Variants in AHDC1 observed in about 807,000 individuals in gnomAD.
AHDC1 encodes the protein transcription factor Gibbin.
Under a neutral mutation model 87.9 loss-of-function variants are expected in AHDC1, and 7 were observed. The ratio of observed to expected loss-of-function variants is 0.08; its 90% CI spans 0.05 to 0.15. AHDC1 has a LOEUF of 0.15. Among genes scored for constraint, AHDC1 ranks in the 10% least tolerant of loss-of-function variants. The pLI is 1.00. For synonymous variants in AHDC1, 1,051 were observed against 1,006.8 expected, an observed-to-expected ratio of 1.04 and a Z score of -0.83; for missense variants, 1,841 against 2,253.2, an observed-to-expected ratio of 0.82 and a Z score of 3.70.
rs770483453 is a variant in AHDC1, at chr1:27,551,476, G to A, written c.640C>T (p.His214Tyr). 46 of 1,609,070 alleles carry A rather than the reference G, an allele frequency of 2.9e-5. No individual in the cohort carries two copies. The Middle Eastern group carries it at 6.6e-4, about 23-fold the overall frequency. The change falls in exon 8 of 9, where the codon CAT (histidine) becomes TAT (tyrosine). Residue 214 changes from histidine (H) to tyrosine (Y), a missense_variant. His to Tyr is a moderately conservative substitution (Grantham distance 83, BLOSUM62 2). Transcript: ENST00000673934. ...GCCGCAGCCGTGGCTCCGGGACTAT[G>A]GCCTTGGCCAGGCTGGGGACTGTCC... ...PRDSPQPGQGHSPGATAAATG... is the reference protein window; with the variant it reads ...PRDSPQPGQGYSPGATAAATG...
chr1:27,600,462 C>CAA (rs933187847), intron 3 of AHDC1, among the ~76,000 whole-genome samples: 12 of 121,226 alleles, frequency 9.9e-5, no homozygotes, highest in African/African-American at 3.0e-4. Context: ...TTCTACAAAC[C>CAA]AAAAAAAAAA....
intron 3 of AHDC1, among the ~76,000 whole-genome samples, chr1:27,600,462 CA>C (rs933187847): frequency 4.5e-4 from 55 of 121,110 alleles, no homozygotes; most frequent in Non-Finnish European, 4.8e-4. Context: ...TTCTACAAAC[CA>C]AAAAAAAAAA....
chr1:27,581,696 A>G (rs1454493528), intron 3 of AHDC1, among the ~76,000 whole-genome samples: 4 of 152,084 alleles, frequency 2.6e-5, no homozygotes, highest in African/African-American at 9.7e-5. Context: ...AGCTAGCTAC[A>G]TCTTCCTCAA....
At chr1:27,603,314 G>C (rs1256002884) in intron 3 of AHDC1, 83 bp downstream of exon 3, 2 of 152,132 alleles carry the variant, frequency 1.3e-5, no homozygotes, top group Non-Finnish European at 2.9e-5. Context: ...GGGGGACGCA[G>C]GCCCCCCCCG....
Position 27,563,514 on chromosome 1 carries a change from G to A in AHDC1, c.-628-4631C>T, listed in dbSNP as rs2020191737. 6.6e-6 allele frequency among the ~76,000 whole-genome samples: 1 copy of A among 152,130 alleles called. No homozygotes were observed. Among genetic ancestry groups the A allele is most frequent in the Admixed American group, 6.5e-5 (1 of 15,282 alleles). ...GGGTACACAACATGTCACCTCCCCG[G>A]CTGCCTTGGACAGGTGACAGCCCAC... On this transcript the variant is annotated intron_variant, in intron 3 of 8. Transcript: ENST00000673934. This position sits in a 1 kb window ranked among gnomAD's most constrained non-coding sequence, Gnocchi z 6.1.
chr1:27,552,449 A>C (rs2019623142), intron 7 of AHDC1: 1 of 262,954 alleles, frequency 3.8e-6, no homozygotes, highest in Admixed American at 5.3e-5. Flanking sequence ...CCCAGGCTAG[A>C]GTGAAGCAGC....
chr1:27,570,677 G>C (rs1274860991), intron 3 of AHDC1, among the ~76,000 whole-genome samples: 1 of 152,210 alleles, frequency 6.6e-6, no homozygotes, highest in African/African-American at 2.4e-5. Flanking sequence ...CTGGGACCAG[G>C]TCTGTACCTG....
rs534362628 is a variant in AHDC1 at position 27,586,594 on chromosome 1, G to A, written c.-629+16803C>T. ...CTACCTCACAGGTGAGATGCTTAAA[G>A]GGGCCCTTGAAGCCAGGATCCAGGG... On this transcript the variant is annotated intron_variant, in intron 3 of 8. Transcript: ENST00000673934. Among the ~76,000 whole-genome samples, 51 of 152,322 alleles carry A rather than the reference G, an allele frequency of 3.3e-4. No individual in the cohort carries two copies. In the South Asian group the frequency reaches 0.011, roughly 32 times the overall value.
At position 27,550,005 on chromosome 1, in the gene AHDC1, A is replaced by G; in HGVS notation, c.2111T>C (p.Val704Ala). 6.3e-7 allele frequency: 1 copy of G among 1,599,160 alleles called. No homozygotes were observed. The highest frequency in any genetic ancestry group is 8.5e-7 in the Non-Finnish European group (1 of 1,170,212). The change falls in exon 8 of 9, where the codon GTG becomes GCG. Residue 704 changes from valine (V) to alanine (A), a missense_variant. Physicochemically the swap from Val to Ala is moderately conservative, Grantham distance 64. Transcript: ENST00000673934. ...GACCCCAGCGGCTGCCACGGCCACC[A>G]CCTTCTTTTTCTTGCCGATGCCCTC... is the stretch of plus-strand genomic sequence containing the variant. ...FFEGIGKKKKVVAVAAAGVGG... is the reference protein window; with the variant it reads ...FFEGIGKKKKAVAVAAAGVGG...
chr1:27,536,241 G>A (rs1261239615), intron 8 of AHDC1, among the ~76,000 whole-genome samples: 3 of 152,230 alleles, frequency 2.0e-5, no homozygotes, highest in South Asian at 2.1e-4. Context: ...CCCCGGGGAC[G>A]ACTTTTGTCC....
rs541578561 is a variant in AHDC1 at position 27,547,559 on chromosome 1, C to T, written c.4557G>A (p.Leu1519=). Residue 1519 remains leucine, a synonymous_variant, in exon 8 of 9, where the codon CTG becomes CTA. Coordinates refer to ENST00000673934, the MANE Select transcript of AHDC1 (RefSeq NM_001371928.1). This position sits in a 1 kb window ranked among gnomAD's most constrained non-coding sequence, Gnocchi z 4.9. ...PATPKADKEP[L]EMARPPGPPR... ...GTGGGCCAGGGGGCCGGGCCATTTCCAGTGGCTCCTTGTCGGCCTTGGGCG... is the reference window on the plus strand; with the variant it reads ...GTGGGCCAGGGGGCCGGGCCATTTCTAGTGGCTCCTTGTCGGCCTTGGGCG... The T allele has an allele frequency of 6.2e-7, 1 of 1,611,116 alleles. No homozygotes were observed. The highest frequency in any genetic ancestry group is 1.3e-5 in the African/African-American group (1 of 75,024).
intron 3 of AHDC1, among the ~76,000 whole-genome samples, chr1:27,566,450 A>AG (rs2020317514): frequency 6.6e-6 from 1 of 151,794 alleles, no homozygotes. Context: ...ACACACGCAC[A>AG]GGGGGGAAGA....
intron 3 of AHDC1, among the ~76,000 whole-genome samples, chr1:27,579,639 A>C (rs1480220674): frequency 6.6e-6 from 1 of 152,176 alleles, no homozygotes; most frequent in African/African-American, 2.4e-5. Context: ...AGGAGGAATA[A>C]GGTTCTAGAT....
At position 27,595,101 on chromosome 1, in the gene AHDC1, T is replaced by G. The variant is rs2089332150; in HGVS notation, c.-629+8296A>C. Among the ~76,000 whole-genome samples, 1 of 152,030 alleles carries G rather than the reference T, an allele frequency of 6.6e-6. No homozygotes were observed. The highest frequency in any genetic ancestry group is 6.5e-5 in the Admixed American group (1 of 15,272). On this transcript the variant is annotated intron_variant, in intron 3 of 8. Coordinates refer to ENST00000673934, the MANE Select transcript of AHDC1 (RefSeq NM_001371928.1). The surrounding 1 kb of genome is among the most constrained non-coding windows in gnomAD (Gnocchi z 4.0). ...GTATTAGAAGCTTCGGGGCCTGATC[T>G]GTTAGAGATATACTAGAACCGAAGC...
In AHDC1 at chr1:27,547,818, C is replaced by T. The variant is rs1032626063; in HGVS notation, c.4298G>A (p.Ser1433Asn). ...CTGGGCTGCAGCTGCGTGGCCCAGG[C>T]TGGCCCCCTGGAGTCCATGCTTGAG... Reference protein sequence around the residue: ...EPLKHGLQGASLGHAAAAQAH... With the variant: ...EPLKHGLQGANLGHAAAAQAH... The change falls in exon 8 of 9, where the codon AGC becomes AAC. Residue 1433 changes from serine (S) to asparagine (N), a missense_variant. Transcript: ENST00000673934. The surrounding 1 kb of genome is among the most constrained non-coding windows in gnomAD (Gnocchi z 4.9). 1.3e-6 allele frequency: 2 copies of T among 1,552,172 alleles called. No individual in the cohort carries two copies. Among genetic ancestry groups the T allele is most frequent in the Non-Finnish European group, 1.7e-6 (2 of 1,147,222 alleles).
At chr1:27,579,237 C>T (rs186821305) in intron 3 of AHDC1, among the ~76,000 whole-genome samples, 98 of 151,738 alleles carry the variant, frequency 6.5e-4, no homozygotes, top group African/African-American at 2.2e-3. Context: ...GGCCTCACTA[C>T]GTTGCCCAGG....
rs372069117 is a variant in AHDC1, at chr1:27,548,645, C to T, written c.3471G>A (p.Thr1157=). The stretch of plus-strand genomic sequence containing the variant: ...ACTCAGAGAAGGTCTCCGACACAGC[C>T]GTCTGCTGCTTCACCTTCTGCGGTG... ...NYTPQKVKQQ[T]AVSETFSESS... Residue 1157 remains threonine (T), a synonymous_variant, in exon 8 of 9, where the codon ACG becomes ACA. Coordinates refer to ENST00000673934, the MANE Select transcript of AHDC1 (RefSeq NM_001371928.1). 7.7e-5 allele frequency: 124 copies of T among 1,613,298 alleles called. No homozygotes were observed. Among genetic ancestry groups the T allele is most frequent in the Non-Finnish European group, 9.8e-5 (116 of 1,180,034 alleles).
In AHDC1 at chr1:27,581,580, G is replaced by A. The variant is rs546874957; in HGVS notation, c.-629+21817C>T. Among the ~76,000 whole-genome samples the A allele has an allele frequency of 2.0e-5, 3 of 152,278 alleles. No individual in the cohort carries two copies. In the East Asian group the frequency reaches 5.8e-4, roughly 29 times the overall value. ...GGCCCTACTCCTTCCTCCAGTCCAA[G>A]TGGTCTCTCTGATCTGACCTCATCA... is the stretch of plus-strand genomic sequence containing the variant. On this transcript the variant is annotated intron_variant, in intron 3 of 8. Coordinates refer to ENST00000673934, the MANE Select transcript of AHDC1 (RefSeq NM_001371928.1).
intron 3 of AHDC1, among the ~76,000 whole-genome samples, chr1:27,601,363 T>G (rs72886334): frequency 0.049 from 7,451 of 152,286 alleles, 603 homozygotes; most frequent in African/African-American, 0.17. Context: ...GGCTTGTGGG[T>G]GATTCCTGGG....
Sources: gnomAD v4.1 joint callset for allele counts (sites outside exome capture counted in the v4.1 genomes callset) on GRCh38, gnomAD v4.1.1 for gene constraint, Gnocchi (gnomAD v3.1) non-coding constraint, MANE v1.5 for transcripts, NCBI Gene and HGNC (gene_info 2026-07-23, HGNC 2026-07-21) for gene names.